The following RARB variants were observed in gnomAD, a reference collection of about 807,000 sequenced individuals.
The protein encoded by RARB is retinoic acid receptor beta.
In RARB, 17 loss-of-function variants were observed where a neutral mutation model predicts 51.9. That is an observed-to-expected ratio of 0.33 (90% CI 0.22 to 0.49). RARB has a LOEUF of 0.49. Among genes scored for constraint, RARB ranks in the 20% least tolerant of loss-of-function variants. The pLI is 0.99. For missense variants in RARB, 369 were observed against 550.8 expected, an observed-to-expected ratio of 0.67 and a Z score of 3.30; for synonymous variants, 215 against 195.4, an observed-to-expected ratio of 1.10 and a Z score of -0.84.
chr3:25,552,015 T>A (rs548881656), intron 3 of RARB, among the ~76,000 whole-genome samples: 6 of 152,318 alleles, frequency 3.9e-5, no homozygotes, highest in African/African-American at 1.4e-4. Flanking sequence ...AGAGGCATCC[T>A]AAAAAGTTCC....
chr3:25,152,600 C>T (rs2043620), intron 4 of RARB, among the ~76,000 whole-genome samples: 115,049 of 152,024 alleles, frequency 0.76, 43,623 homozygotes, highest in Admixed American at 0.8. Context: ...ATATATAATA[C>T]ACATTTAATT....
chr3:24,912,534 G>A (rs183771165), intron 2 of RARB, among the ~76,000 whole-genome samples: 174 of 152,240 alleles, frequency 1.1e-3, no homozygotes, highest in African/African-American at 4.0e-3. Flanking sequence ...AAACCAATGG[G>A]TCTGAGTTTT....
intron 3 of RARB, among the ~76,000 whole-genome samples, chr3:25,062,659 C>CA (rs1359570119): frequency 4.6e-5 from 7 of 151,688 alleles, no homozygotes; most frequent in African/African-American, 7.2e-5. Flanking sequence ...GAAGCCAGTG[C>CA]AAAAAAACAC....
At chr3:25,004,931 G>T (rs549768207) in intron 2 of RARB, among the ~76,000 whole-genome samples, 1 of 152,198 alleles carries the variant, frequency 6.6e-6, no homozygotes, top group South Asian at 2.1e-4. Flanking sequence ...CTCCATTCCT[G>T]TTCCTTTCAG....
intron 5 of RARB, among the ~76,000 whole-genome samples, chr3:25,349,491 T>C (rs1467050824): frequency 6.6e-6 from 1 of 152,184 alleles, no homozygotes; most frequent in Non-Finnish European, 1.5e-5. Flanking sequence ...GTTTGGCCCA[T>C]GTAAGATGAA....
At chr3:25,105,580 C>T (rs1699484599) in intron 3 of RARB, among the ~76,000 whole-genome samples, 1 of 152,076 alleles carries the variant, frequency 6.6e-6, no homozygotes, top group South Asian at 2.1e-4. Flanking sequence ...GGTGTCAGTG[C>T]ATTTGGAGGG....
At chr3:25,244,906 G>C (rs1217224646) in intron 5 of RARB, among the ~76,000 whole-genome samples, 1 of 152,126 alleles carries the variant, frequency 6.6e-6, no homozygotes, top group African/African-American at 2.4e-5. Context: ...ACAGTGTGGT[G>C]TTAAAGTCTC....
intron 5 of RARB, among the ~76,000 whole-genome samples, chr3:25,277,688 G>A (rs1057331737): frequency 6.6e-5 from 10 of 152,130 alleles, no homozygotes; most frequent in African/African-American, 2.4e-4. Context: ...AATAGAGTTT[G>A]GTTTACTTTT....
chr3:24,954,406 A>G (rs1019513923), intron 2 of RARB, among the ~76,000 whole-genome samples: 21 of 152,194 alleles, frequency 1.4e-4, no homozygotes, highest in Admixed American at 1.2e-3. Flanking sequence ...AATCAGACTT[A>G]AGCAGCAGCT....
chr3:25,559,643 G>A (rs908037279), intron 3 of RARB, among the ~76,000 whole-genome samples: 1 of 152,218 alleles, frequency 6.6e-6, no homozygotes, highest in African/African-American at 2.4e-5. Flanking sequence ...GAAATAAATA[G>A]ATGGATATAT....
intron 5 of RARB, among the ~76,000 whole-genome samples, chr3:25,203,685 T>C (rs909695988): frequency 2.0e-5 from 3 of 152,224 alleles, no homozygotes; most frequent in African/African-American, 7.2e-5. Flanking sequence ...TCCCCTTCAC[T>C]TATGAAGCTT....
intron 5 of RARB, chr3:25,345,816 T>TA: frequency 1.7e-6 from 1 of 579,292 alleles, no homozygotes; most frequent in Non-Finnish European, 2.2e-6. Flanking sequence ...ATGAACTGTA[T>TA]CAGTTAATTT....
At chr3:25,175,772 G>A (rs562101452) in intron 5 of RARB, among the ~76,000 whole-genome samples, 14 of 152,166 alleles carry the variant, frequency 9.2e-5, no homozygotes, top group African/African-American at 3.4e-4. Context: ...TCTGTGTTTC[G>A]AATTTCTGGC....
At chr3:25,361,357 G>T (rs1705927006) in intron 5 of RARB, among the ~76,000 whole-genome samples, 1 of 152,132 alleles carries the variant, frequency 6.6e-6, no homozygotes, top group Non-Finnish European at 1.5e-5. Flanking sequence ...CTCTAAACTG[G>T]TTATTCTAGT....
At chr3:25,200,201 G>C (rs1258199300) in intron 5 of RARB, among the ~76,000 whole-genome samples, 2 of 152,108 alleles carry the variant, frequency 1.3e-5, no homozygotes, top group Non-Finnish European at 2.9e-5. Context: ...GGCCAGTGAT[G>C]ATGAGCATTG....
At chr3:25,516,807 A>G (rs1224078423) in intron 3 of RARB, among the ~76,000 whole-genome samples, 2 of 152,066 alleles carry the variant, frequency 1.3e-5, no homozygotes, top group Non-Finnish European at 2.9e-5. Context: ...TTGTATTTTT[A>G]GCAGAAATAG....
rs556808540 is a variant in RARB, at chr3:25,536,022, A to G, written c.449-33736A>G. ...ACAGAGAAAGCTATTAGCGAAGGTG[A>G]GGAGGACATAAAGATGACAACAGTG... On this transcript the variant is annotated intron_variant, in intron 3 of 7. Transcript: ENST00000330688. Among the ~76,000 whole-genome samples the G allele has an allele frequency of 3.3e-5, 5 of 152,300 alleles. No homozygotes were observed. The South Asian group carries it at 1.0e-3, about 32-fold the overall frequency.
chr3:25,171,062 A>C (rs1373332174), intron 4 of RARB, among the ~76,000 whole-genome samples: 13 of 152,054 alleles, frequency 8.5e-5, no homozygotes. Flanking sequence ...TTTCTGGAAA[A>C]TGCAGTTTGA....
chr3:25,212,957 T>C (rs542057566), intron 5 of RARB, among the ~76,000 whole-genome samples: 6 of 152,312 alleles, frequency 3.9e-5, no homozygotes, highest in Non-Finnish European at 7.3e-5. Context: ...TCCCTGAGCA[T>C]TGCGGCACGT....
Sources: gnomAD v4.1 joint callset for allele counts (sites outside exome capture counted in the v4.1 genomes callset) on GRCh38, gnomAD v4.1.1 for gene constraint, MANE v1.5 for transcripts, NCBI Gene and HGNC (gene_info 2026-07-23, HGNC 2026-07-21) for gene names.